RNLS: variants seen among roughly 807,000 people sequenced by gnomAD.
RNLS encodes renalase, FAD dependent amine oxidase.
In RNLS, 39 loss-of-function variants were observed where a neutral mutation model predicts 39.8. That is an observed-to-expected ratio of 0.98 (90% CI 0.76 to 1.28). The LOEUF (loss-of-function observed/expected upper bound fraction) is 1.28. Ranked by LOEUF, RNLS falls within the 50% of genes most tolerant of loss-of-function variation. The pLI is 0.00. For synonymous variants in RNLS, 147 were observed against 150.7 expected, an observed-to-expected ratio of 0.98 and a Z score of 0.18; for missense variants, 410 against 413.3, an observed-to-expected ratio of 0.99 and a Z score of 0.07.
the RNLS span, among the ~76,000 whole-genome samples, chr10:88,190,126 G>T: frequency 6.6e-6 from 1 of 152,182 alleles, no homozygotes; most frequent in Non-Finnish European, 1.5e-5. Context: ...TCTCTGAACC[G>T]CTGAGTTCTG....
intron 5 of RNLS, among the ~76,000 whole-genome samples, chr10:88,320,810 C>T (rs886674377): frequency 1.0e-4 from 15 of 148,704 alleles, no homozygotes; most frequent in African/African-American, 3.7e-4. Flanking sequence ...ACAAATACTA[C>T]TAGACCTAAA....
chr10:88,258,527 T>G, the RNLS span, among the ~76,000 whole-genome samples: 1 of 152,190 alleles, frequency 6.6e-6, no homozygotes, highest in Non-Finnish European at 1.5e-5. Flanking sequence ...TTGTGGGAAA[T>G]ATGTGAGACA....
the RNLS span, among the ~76,000 whole-genome samples, chr10:88,264,201 T>G: frequency 6.6e-6 from 1 of 152,192 alleles, no homozygotes; most frequent in Non-Finnish European, 1.5e-5. Context: ...TATACCACAA[T>G]GTATTTTATC....
intron 4 of RNLS, among the ~76,000 whole-genome samples, chr10:88,447,685 G>A (rs1842123874): frequency 6.6e-6 from 1 of 152,170 alleles, no homozygotes; most frequent in Non-Finnish European, 1.5e-5. Context: ...AACCAAAAAA[G>A]AGCCCGCATT....
At chr10:88,375,272 G>T (rs1336178033) in intron 4 of RNLS, among the ~76,000 whole-genome samples, 3 of 152,078 alleles carry the variant, frequency 2.0e-5, no homozygotes, top group African/African-American at 7.2e-5. Flanking sequence ...GCTTAGAGTT[G>T]CAGGGACAAG....
rs565305111 is a variant in RNLS, at chr10:88,426,293, T to C, written c.527-63568A>G. Among the ~76,000 whole-genome samples, 74 of 152,166 alleles carry C rather than the reference T, an allele frequency of 4.9e-4. 1 individual carries two copies. The South Asian group carries it at 0.015, about 30-fold the overall frequency. On this transcript the variant is annotated intron_variant, in intron 4 of 6. Transcript: ENST00000331772. ...TCACCAAAATCCTGTTCCAATGAAGTAGGCTCATGTGAATAGTGGGAAACA... is the reference window on the plus strand; with the variant it reads ...TCACCAAAATCCTGTTCCAATGAAGCAGGCTCATGTGAATAGTGGGAAACA...
chr10:88,362,715 T>C lies in RNLS; in HGVS notation c.537A>G (p.Glu179=). 1 of 1,613,114 alleles carries C rather than the reference T, an allele frequency of 6.2e-7. No individual in the cohort carries two copies. Among genetic ancestry groups the C allele is most frequent in the Non-Finnish European group, 8.5e-7 (1 of 1,179,628 alleles). The change falls in exon 5 of 7, where the codon GAA becomes GAG. Residue 179 remains glutamate, a synonymous_variant. Transcript: ENST00000331772. ...LQGDITTLIS[E]CQRQQLEAVS... ...CAGCCTCCAGTTGCTGCCTTTGGCA[T>C]TCACTAATTACTGTGGAAGAAAAAA... is the stretch of plus-strand genomic sequence containing the variant.
At chr10:88,536,221 A>G (rs965633727) in intron 4 of RNLS, among the ~76,000 whole-genome samples, 3 of 152,216 alleles carry the variant, frequency 2.0e-5, no homozygotes, top group Non-Finnish European at 4.4e-5. Context: ...GTATTAGCAT[A>G]GTTACAGTCA....
At chr10:88,469,347 T>C (rs985694862) in intron 4 of RNLS, among the ~76,000 whole-genome samples, 1 of 152,198 alleles carries the variant, frequency 6.6e-6, no homozygotes, top group Non-Finnish European at 1.5e-5. Flanking sequence ...GTGGCTCAGA[T>C]AGAGACAATC....
intron 3 of RNLS, among the ~76,000 whole-genome samples, chr10:88,577,774 C>T (rs1324663354): frequency 1.3e-5 from 2 of 152,120 alleles, no homozygotes; most frequent in African/African-American, 2.4e-5. Flanking sequence ...GTGAACACAT[C>T]GGACAATAAA....
intron 4 of RNLS, among the ~76,000 whole-genome samples, chr10:88,553,140 T>C (rs549196878): frequency 6.6e-6 from 1 of 152,346 alleles, no homozygotes; most frequent in African/African-American, 2.4e-5. Context: ...TATGTATTTC[T>C]TAAGCAATGG....
chr10:88,440,099 C>G (rs924608715), intron 4 of RNLS, among the ~76,000 whole-genome samples: 2 of 152,148 alleles, frequency 1.3e-5, no homozygotes, highest in Admixed American at 1.3e-4. Flanking sequence ...TAGGTCCTAA[C>G]AGGATTTATG....
chr10:88,514,104 C>T lies in RNLS; in HGVS notation c.526+58799G>A, dbSNP rs774602951. On this transcript the variant is annotated intron_variant, in intron 4 of 6. Transcript: ENST00000331772. ...TTTCACACTGCAATAAACAACTGCC[C>T]GAGACTGGGTAATTTATAAAAAAAA... Among the ~76,000 whole-genome samples, 9 of 149,980 alleles carry T rather than the reference C, an allele frequency of 6.0e-5. No individual in the cohort carries two copies. The East Asian group carries it at 9.7e-4, about 16-fold the overall frequency.
intron 4 of RNLS, among the ~76,000 whole-genome samples, chr10:88,512,500 T>C (rs1846185218): frequency 1.3e-5 from 2 of 152,180 alleles, no homozygotes; most frequent in South Asian, 4.1e-4. Flanking sequence ...TTAAGCCAGT[T>C]GCCCAAACTT....
At chr10:88,422,674 G>T (rs544638715) in intron 4 of RNLS, among the ~76,000 whole-genome samples, 1 of 152,080 alleles carries the variant, frequency 6.6e-6, no homozygotes, top group South Asian at 2.1e-4. Flanking sequence ...TAAAAGATAA[G>T]ATTAAGAAAA....
At chr10:88,443,784 G>A (rs1050940719) in intron 4 of RNLS, among the ~76,000 whole-genome samples, 8 of 152,356 alleles carry the variant, frequency 5.3e-5, no homozygotes, top group South Asian at 4.1e-4. Context: ...AGGGGCGCCC[G>A]CCATTGCTGA....
chr10:88,307,529 C>T (rs908472736), intron 6 of RNLS, among the ~76,000 whole-genome samples: 4 of 152,058 alleles, frequency 2.6e-5, no homozygotes, highest in African/African-American at 9.7e-5. Flanking sequence ...TCCTATGTAC[C>T]AACAATAGTC....
At chr10:88,368,917 TTAAG>T (rs1476415646) in intron 4 of RNLS, among the ~76,000 whole-genome samples, 4 of 152,132 alleles carry the variant, frequency 2.6e-5, no homozygotes, top group Admixed American at 2.6e-4. Context: ...CTTGCTTATA[TTAAG>T]TAATTTTTGT....
rs568339139 is a variant in RNLS, at chr10:88,438,935, GAAC to G, written c.527-76213_527-76211del. On this transcript the variant is annotated intron_variant, in intron 4 of 6. Coordinates refer to ENST00000331772, the MANE Select transcript of RNLS (RefSeq NM_001031709.3). The stretch of plus-strand genomic sequence containing the variant: ...AGAATCGATTTCTGTATTTTGCCAA[GAAC>G]AACAACAAGTAACTGACTGATATCA... 9.3e-4 allele frequency among the ~76,000 whole-genome samples: 131 copies of G among 141,584 alleles called. 3 individuals carry two copies. The South Asian group carries it at 0.02, about 22-fold the overall frequency. The allele number at this position is 141,584 out of a possible 152,430, so 92.9% of individuals were successfully genotyped here.
Sources: gnomAD v4.1 joint callset for allele counts (sites outside exome capture counted in the v4.1 genomes callset) on GRCh38, gnomAD v4.1.1 for gene constraint, MANE v1.5 for transcripts, NCBI Gene and HGNC (gene_info 2026-07-23, HGNC 2026-07-21) for gene names.